Variants in SHANK2 observed in about 807,000 individuals in gnomAD.
SHANK2 encodes SH3 and multiple ankyrin repeat domains protein 2.
A neutral mutation model predicts 133.7 loss-of-function variants in SHANK2; 43 were observed. The observed-to-expected ratio is 0.32, with a 90% CI of 0.25 to 0.41. The LOEUF (loss-of-function observed/expected upper bound fraction) is 0.41. Among genes scored for constraint, SHANK2 ranks in the 10% least tolerant of loss-of-function variants. The probability of loss-of-function intolerance (pLI) is 1.00; values close to 1 mark genes in which losing one functional copy is unlikely to be tolerated. For synonymous variants in SHANK2, 1,017 were observed against 952.8 expected (o/e 1.07, Z -1.24); for missense variants, 1,994 against 2,235.8 (o/e 0.89, Z 2.18).
At chr11:70,910,698 T>C (rs1404734106) in intron 10 of SHANK2, among the ~76,000 whole-genome samples, 1 of 151,990 alleles carries the variant, frequency 6.6e-6, no homozygotes, top group African/African-American at 2.4e-5. Flanking sequence ...TCCCAGCCTC[T>C]TGGGAGGCTG....
At position 71,172,522 on chromosome 11, in the gene SHANK2, C is replaced by T. The variant is rs566165849; in HGVS notation, c.-12-25184G>A. Among the ~76,000 whole-genome samples the T allele has an allele frequency of 2.8e-5, 4 of 145,360 alleles. No homozygotes were observed. The East Asian group carries it at 6.2e-4, about 22-fold the overall frequency. The stretch of plus-strand genomic sequence containing the variant: ...CTGAAGCAGGAGAATCGCTTGAACC[C>T]GGGAGGCAGAGGTTGCAGTGAGCTG... On this transcript the variant is annotated intron_variant, in intron 2 of 25. Coordinates refer to ENST00000601538, the MANE Select transcript of SHANK2 (RefSeq NM_012309.5).
chr11:70,686,209 T>C (rs1318907087), intron 15 of SHANK2, among the ~76,000 whole-genome samples: 2 of 114,672 alleles, frequency 1.7e-5, no homozygotes, highest in South Asian at 7.4e-4. Flanking sequence ...CATCTATCCA[T>C]CCATCCATCC....
chr11:71,096,187 T>C lies in SHANK2; in HGVS notation c.593-1499A>G, dbSNP rs73521131. On this transcript the variant is annotated intron_variant, in intron 6 of 25. Transcript: ENST00000601538. ...ACGATGTTCTCATGAATGAATGCCA[T>C]TGCACATGACTCTGTTGCATACCCT... Among the ~76,000 whole-genome samples the C allele has an allele frequency of 8.0e-3, 1,215 of 152,370 alleles. 19 individuals carry two copies. The highest frequency in any genetic ancestry group is 0.028 in the African/African-American group (1,160 of 41,580).
chr11:70,576,036 T>G (rs1294152465), intron 17 of SHANK2, among the ~76,000 whole-genome samples: 3 of 151,752 alleles, frequency 2.0e-5, no homozygotes, highest in Non-Finnish European at 2.9e-5. Context: ...TTTCCCAGAG[T>G]GGAAATGTGT....
At chr11:70,937,505 G>C (rs1205507375) in intron 10 of SHANK2, among the ~76,000 whole-genome samples, 1 of 152,216 alleles carries the variant, frequency 6.6e-6, no homozygotes. Context: ...AACTTCCTGA[G>C]GACATTTACC....
At chr11:71,244,417 C>A (rs1027678056) in intron 1 of SHANK2, among the ~76,000 whole-genome samples, 1 of 152,204 alleles carries the variant, frequency 6.6e-6, no homozygotes, top group Admixed American at 6.5e-5. Context: ...GGGACCCATG[C>A]ACTGACAAGG....
At chr11:71,154,192 G>A (rs1329635962) in intron 2 of SHANK2, among the ~76,000 whole-genome samples, 3 of 152,172 alleles carry the variant, frequency 2.0e-5, no homozygotes, top group Non-Finnish European at 2.9e-5. Context: ...TGAGGACCCC[G>A]AGGCTCCCCT....
chr11:70,561,721 G>GA (rs1228960047), intron 17 of SHANK2, among the ~76,000 whole-genome samples: 5 of 1,040 alleles, frequency 4.8e-3, no homozygotes, highest in Admixed American at 0.031. Context: ...AGAGATGGCA[G>GA]GGGGGGTCTC....
intron 17 of SHANK2, among the ~76,000 whole-genome samples, chr11:70,524,090 T>G (rs2059365599): frequency 6.6e-6 from 1 of 152,160 alleles, no homozygotes. Context: ...CTTCACATAG[T>G]TACACCATTC....
intron 14 of SHANK2, among the ~76,000 whole-genome samples, chr11:70,722,998 C>A (rs973332326): frequency 2.6e-5 from 4 of 152,166 alleles, no homozygotes; most frequent in Admixed American, 2.6e-4. Context: ...AACTTTTCTG[C>A]CTGGTCCCTC....
intron 3 of SHANK2, among the ~76,000 whole-genome samples, chr11:71,124,065 G>C (rs1952126722): frequency 6.7e-6 from 1 of 150,140 alleles, no homozygotes; most frequent in Admixed American, 6.7e-5. Flanking sequence ...GGTGATAATG[G>C]TGATGATGGA....
At chr11:70,935,868 G>A (rs1184146773) in intron 10 of SHANK2, among the ~76,000 whole-genome samples, 11 of 152,180 alleles carry the variant, frequency 7.2e-5, no homozygotes, top group Middle Eastern at 3.4e-3. Context: ...CTCTTACACC[G>A]CCCCCGCAAA....
At chr11:70,851,524 G>T (rs1949085927) in intron 11 of SHANK2, among the ~76,000 whole-genome samples, 1 of 152,180 alleles carries the variant, frequency 6.6e-6, no homozygotes, top group African/African-American at 2.4e-5. Flanking sequence ...TGATGTAATG[G>T]GTGGAGGTGA....
At chr11:70,863,657 G>A (rs1949299902) in intron 11 of SHANK2, 1 of 425,230 alleles carries the variant, frequency 2.4e-6, no homozygotes, top group Non-Finnish European at 4.8e-6. Flanking sequence ...CACTCTCTCT[G>A]GCATCCTGGG....
At chr11:71,098,467 C>G (rs1951665765) in intron 6 of SHANK2, among the ~76,000 whole-genome samples, 1 of 152,170 alleles carries the variant, frequency 6.6e-6, no homozygotes, top group African/African-American at 2.4e-5. Flanking sequence ...TGGCCTCCAG[C>G]AGGTTTTTTA....
At position 70,599,915 on chromosome 11, in the gene SHANK2, G is replaced by GAA. The variant is rs1402157892; in HGVS notation, c.2061+59911_2061+59912dup. 2.5e-3 allele frequency among the ~76,000 whole-genome samples: 104 copies of GAA among 41,214 alleles called. 2 individuals are homozygous for GAA. Among genetic ancestry groups the GAA allele is most frequent in the African/African-American group, 9.2e-3 (95 of 10,288 alleles). The allele number at this position is 41,214 out of a possible 152,430, so 27.0% of individuals were successfully genotyped here. Reference sequence around the variant, plus strand: ...AAAGAAAGAAAGAAAGAGAAAGAAAGAAAGAAAGAAAGAAAGAAAGAAAGA... The same window carrying GAA: ...AAAGAAAGAAAGAAAGAGAAAGAAAGAAAAAGAAAGAAAGAAAGAAAGAAAGA... On this transcript the variant is annotated intron_variant, in intron 17 of 25. Coordinates refer to ENST00000601538, the MANE Select transcript of SHANK2 (RefSeq NM_012309.5).
intron 2 of SHANK2, among the ~76,000 whole-genome samples, chr11:71,168,395 G>C (rs1268279036): frequency 2.0e-5 from 3 of 151,494 alleles, no homozygotes; most frequent in Admixed American, 6.6e-5. Flanking sequence ...CGGCCGGGCA[G>C]AGACGCTCCT....
intron 17 of SHANK2, among the ~76,000 whole-genome samples, chr11:70,540,842 C>A (rs373436961): frequency 1.6e-3 from 173 of 111,062 alleles, no homozygotes; most frequent in Middle Eastern, 5.2e-3. Context: ...GAGTAAGACT[C>A]AAAAAAAAAA....
intron 13 of SHANK2, among the ~76,000 whole-genome samples, chr11:70,805,855 A>G (rs1948147021): frequency 6.6e-6 from 1 of 152,278 alleles, no homozygotes; most frequent in Admixed American, 6.5e-5. Flanking sequence ...AACTTAAACA[A>G]TAACCAATAG....
Sources: gnomAD v4.1 joint callset for allele counts (sites outside exome capture counted in the v4.1 genomes callset) on GRCh38, gnomAD v4.1.1 for gene constraint, MANE v1.5 for transcripts, NCBI Gene and HGNC (gene_info 2026-07-23, HGNC 2026-07-21) for gene names.